The following ARHGEF10L variants were observed in gnomAD, a reference collection of about 807,000 sequenced individuals.
ARHGEF10L encodes the protein rho guanine nucleotide exchange factor 10-like protein.
In ARHGEF10L, 69 loss-of-function variants were observed where a neutral mutation model predicts 141.2. That is an observed-to-expected ratio of 0.49 (90% confidence interval 0.40 to 0.60). The LOEUF (loss-of-function observed/expected upper bound fraction) is 0.60. Among genes scored for constraint, ARHGEF10L ranks in the 20% least tolerant of loss-of-function variants. The pLI is 0.00. For synonymous variants in ARHGEF10L, 711 were observed against 718.5 expected (o/e 0.99, Z 0.17); for missense variants, 1,482 against 1,734.3 (o/e 0.85, Z 2.58).
At chr1:17,581,004 GAA>G (rs935435518) in intron 2 of ARHGEF10L, among the ~76,000 whole-genome samples, 11 of 151,924 alleles carry the variant, frequency 7.2e-5, no homozygotes, top group Non-Finnish European at 1.5e-4. Context: ...CGCATTTAGT[GAA>G]AAAAAGAGAA....
Position 17,639,871 on chromosome 1 carries a change from G to T in ARHGEF10L, c.2172-331G>T, listed in dbSNP as rs1314231391. 7.2e-7 allele frequency: 1 copy of T among 1,395,198 alleles called. No homozygotes were observed. Among genetic ancestry groups the T allele is most frequent in the Non-Finnish European group, 9.5e-7 (1 of 1,057,266 alleles). The allele number at this position is 1,395,198 out of a possible 1,614,324, so 86.4% of individuals were successfully genotyped here. ...ACATGTAAGGTGTCTAAGACCTGTG[G>T]ACAGCTGACCGCTGACCAGGTGGAG... On this transcript the variant is annotated intron_variant, in intron 20 of 28. Coordinates refer to ENST00000361221, the MANE Select transcript of ARHGEF10L (RefSeq NM_018125.4). This position sits in a 1 kb window ranked among gnomAD's most constrained non-coding sequence, Gnocchi z 4.3.
Position 17,627,914 on chromosome 1 carries a change from C to T in ARHGEF10L, c.1584+411C>T, listed in dbSNP as rs2060472613. On this transcript the variant is annotated intron_variant, in intron 15 of 28. Transcript: ENST00000361221. This position sits in a 1 kb window ranked among gnomAD's most constrained non-coding sequence, Gnocchi z 4.0. ...GAGGAGCATTTAATAGCACCGGAGC[C>T]CTAGGGCTGCTGCCGCAAAAGAGGG... 6.6e-6 allele frequency among the ~76,000 whole-genome samples: 1 copy of T among 152,086 alleles called. No homozygotes were observed. The highest frequency in any genetic ancestry group is 1.5e-5 in the Non-Finnish European group (1 of 68,040).
In ARHGEF10L at chr1:17,696,988, G is replaced by C; in HGVS notation, c.3448G>C (p.Gly1150Arg). The C allele has an allele frequency of 6.2e-7, 1 of 1,611,556 alleles. No individual in the cohort carries two copies. Among genetic ancestry groups the C allele is most frequent in the Non-Finnish European group, 8.5e-7 (1 of 1,179,416 alleles). The change falls in exon 29 of 29, where the codon GGG becomes CGG. Residue 1150 changes from glycine to arginine, a missense_variant. Transcript: ENST00000361221. ...CCGGGCTGAGGAGGACAAGCCAGACGGGCAGGCACACGAGCCCATGCCCGA... is the reference window on the plus strand; with the variant it reads ...CCGGGCTGAGGAGGACAAGCCAGACCGGCAGGCACACGAGCCCATGCCCGA... Reference protein sequence around the residue: ...GPRAEEDKPDGQAHEPMPDSH... With the variant: ...GPRAEEDKPDRQAHEPMPDSH...
rs542739317 is a variant in ARHGEF10L, at chr1:17,587,613, C to A, written c.191C>A (p.Pro64Gln). The change falls in exon 3 of 29, where the codon CCA becomes CAA. Residue 64 changes from proline to glutamine, a missense_variant. By Grantham distance (76) the Pro-to-Gln change is moderately conservative. Around this residue, in one of 3 missense-constraint regions of ARHGEF10L, gnomAD observed 232 missense variants for 225.9 expected, o/e 1.03. Transcript: ENST00000361221. ...SLAPERDTDPPLIHLDSIPVT... is the reference protein window; with the variant it reads ...SLAPERDTDPQLIHLDSIPVT... ...GCTCCTGAGAGGGACACAGACCCCC[C>A]ACTGATCCACTTGGACTCCATCCCT... 9.3e-6 allele frequency: 15 copies of A among 1,613,858 alleles called. No homozygotes were observed. Among genetic ancestry groups the A allele is most frequent in the Non-Finnish European group, 1.3e-5 (15 of 1,179,916 alleles).
intron 26 of ARHGEF10L, among the ~76,000 whole-genome samples, chr1:17,671,272 G>A (rs1328015769): frequency 1.3e-5 from 2 of 151,974 alleles, no homozygotes; most frequent in Non-Finnish European, 2.9e-5. Context: ...CGCTGGGGCA[G>A]TTAGGGAAGT....
rs369744386 is a variant in ARHGEF10L, at chr1:17,602,048, C to T, written c.258-79C>T. ...CAGCCCACTTTTGCCCATCATGTCC[C>T]GCTGACCAGGTGAGGGGCTGCCAGA... On this transcript the variant is annotated intron_variant, in intron 4 of 28. Transcript: ENST00000361221. The T allele has an allele frequency of 5.4e-5, 72 of 1,332,706 alleles. No individual in the cohort carries two copies. In the African/African-American group the frequency reaches 7.0e-4, roughly 13 times the overall value. 82.6% of individuals were successfully genotyped at this position (1,332,706 alleles called of 1,614,324 possible).
intron 26 of ARHGEF10L, among the ~76,000 whole-genome samples, chr1:17,674,465 G>T (rs1477339275): frequency 6.6e-6 from 1 of 152,226 alleles, no homozygotes; most frequent in African/African-American, 2.4e-5. Context: ...CGGGTCAGCC[G>T]CATACACGTG....
At chr1:17,524,150 G>A in the ARHGEF10L span, among the ~76,000 whole-genome samples, 3 of 152,000 alleles carry the variant, frequency 2.0e-5, no homozygotes, top group African/African-American at 4.8e-5. Context: ...TTGTGCACCT[G>A]TAGTTCCAGC....
At chr1:17,611,444 C>T (rs1218230670) in intron 7 of ARHGEF10L, among the ~76,000 whole-genome samples, 1 of 152,118 alleles carries the variant, frequency 6.6e-6, no homozygotes, top group Admixed American at 6.5e-5. Flanking sequence ...CCTTAAGATT[C>T]TCATTTTGTT....
intron 1 of ARHGEF10L, among the ~76,000 whole-genome samples, chr1:17,562,925 A>G (rs183744258): frequency 2.0e-5 from 3 of 152,298 alleles, no homozygotes; most frequent in Non-Finnish European, 2.9e-5. Context: ...GAGCCACAGC[A>G]GGCGGCCATG....
In ARHGEF10L at chr1:17,656,983, G is replaced by A. The variant is rs906995765; in HGVS notation, c.2860+275G>A. On this transcript the variant is annotated intron_variant, in intron 25 of 28. Coordinates refer to ENST00000361221, the MANE Select transcript of ARHGEF10L (RefSeq NM_018125.4). This position sits in a 1 kb window ranked among gnomAD's most constrained non-coding sequence, Gnocchi z 4.9. ...AAGAGAGGTACTCGCAGGTTGGAGA[G>A]ACCTGGCTTCCCGTTCAGGCTTTGC... 1.2e-4 allele frequency among the ~76,000 whole-genome samples: 19 copies of A among 152,178 alleles called. No individual in the cohort carries two copies. Among genetic ancestry groups the A allele is most frequent in the African/African-American group, 4.6e-4 (19 of 41,444 alleles).
At chr1:17,595,220 C>CT (rs58475060) in intron 4 of ARHGEF10L, among the ~76,000 whole-genome samples, 4,706 of 105,940 alleles carry the variant, frequency 0.044, 148 homozygotes, top group African/African-American at 0.053. Context: ...CGTGGCTCAC[C>CT]TTTTTTTTTT....
At chr1:17,587,991 C>T (rs1008856949) in intron 3 of ARHGEF10L, among the ~76,000 whole-genome samples, 1 of 152,224 alleles carries the variant, frequency 6.6e-6, no homozygotes, top group South Asian at 2.1e-4. Context: ...CCAGAGGTTC[C>T]CTCTCCTGTC....
intron 1 of ARHGEF10L, among the ~76,000 whole-genome samples, chr1:17,553,429 T>G (rs1304678634): frequency 1.3e-5 from 2 of 152,156 alleles, no homozygotes; most frequent in Admixed American, 1.3e-4. Context: ...TGTCCTCTAT[T>G]GCCTGTGGGA....
At chr1:17,526,001 CAA>C in the ARHGEF10L span, among the ~76,000 whole-genome samples, 13 of 60,276 alleles carry the variant, frequency 2.2e-4, no homozygotes, top group Admixed American at 5.5e-4. Context: ...GACTCTGTCT[CAA>C]AAAAAAAAAA....
At chr1:17,596,658 C>A (rs779433310) in intron 4 of ARHGEF10L, among the ~76,000 whole-genome samples, 2 of 152,156 alleles carry the variant, frequency 1.3e-5, no homozygotes, top group Non-Finnish European at 2.9e-5. Flanking sequence ...GGGAAGGGAC[C>A]CTTGGAGGTT....
chr1:17,659,189 A>G (rs1180846051), intron 25 of ARHGEF10L, among the ~76,000 whole-genome samples: 11 of 152,094 alleles, frequency 7.2e-5, no homozygotes, highest in Admixed American at 5.9e-4. Flanking sequence ...CTGAGGCACC[A>G]CCTGGGCAGG....
rs754973784 is a variant in ARHGEF10L at position 17,640,260 on chromosome 1, A to G, written c.2230A>G (p.Ile744Val). 11 of 1,613,382 alleles carry G rather than the reference A, an allele frequency of 6.8e-6. No individual in the cohort carries two copies. The East Asian group carries it at 2.5e-4, about 36-fold the overall frequency. ...CATCACCCCCAACCCCCTGAGCAAG[A>G]TTTCCTGGGTCAACAGGTTACATTT... ...VFITPNPLSKISWVNRLHLAK... is the reference protein window; with the variant it reads ...VFITPNPLSKVSWVNRLHLAK... Residue 744 changes from isoleucine to valine, a missense_variant, in exon 21 of 29, where the codon ATT becomes GTT. Coordinates refer to ENST00000361221, the MANE Select transcript of ARHGEF10L (RefSeq NM_018125.4).
At chr1:17,618,495 T>C (rs2059931365) in intron 9 of ARHGEF10L, 1 of 1,442,514 alleles carries the variant, frequency 6.9e-7, no homozygotes. Flanking sequence ...CTGTCCCTCC[T>C]CCTCCTCCTC....
Sources: allele counts gnomAD v4.1 joint callset (sites outside exome capture counted in the v4.1 genomes callset), GRCh38; gene constraint gnomAD v4.1.1; regional missense constraint gnomAD v4.1.1; non-coding constraint Gnocchi (gnomAD v3.1); transcripts MANE v1.5; gene names NCBI Gene and HGNC (gene_info 2026-07-23, HGNC 2026-07-21).